Variants in GPC5 observed in about 807,000 individuals in gnomAD.
The protein encoded by GPC5 is glypican-5.
A neutral mutation model predicts 53.9 loss-of-function variants in GPC5; 47 were observed. That is an observed-to-expected ratio of 0.87 (90% CI 0.69 to 1.11). GPC5 has a LOEUF of 1.11. GPC5 is among the 50% of genes most tolerant of loss of function. The pLI, the probability that GPC5 is intolerant of heterozygous loss-of-function variation, is 0.00. For synonymous variants in GPC5, 286 were observed against 263.3 expected (o/e 1.09, Z -0.84); for missense variants, 748 against 713.1 (o/e 1.05, Z -0.56).
intron 5 of GPC5, among the ~76,000 whole-genome samples, chr13:91,800,285 A>C (rs1434886024): frequency 2.0e-5 from 3 of 152,144 alleles, no homozygotes; most frequent in Non-Finnish European, 2.9e-5. Flanking sequence ...AAAGTTAAAA[A>C]TATTTGCTTT....
intron 5 of GPC5, among the ~76,000 whole-genome samples, chr13:91,817,364 T>C (rs1218476518): frequency 3.9e-5 from 6 of 152,216 alleles, no homozygotes; most frequent in East Asian, 3.8e-4. Flanking sequence ...TTTGGAATCC[T>C]TCCTTATAAC....
chr13:91,990,435 G>T (rs965000417), intron 6 of GPC5, among the ~76,000 whole-genome samples: 1 of 152,048 alleles, frequency 6.6e-6, no homozygotes, highest in Non-Finnish European at 1.5e-5. Context: ...TGTAAAAATT[G>T]CAGCGTGGTG....
At chr13:91,871,017 C>T (rs1405659381) in intron 5 of GPC5, among the ~76,000 whole-genome samples, 1 of 152,156 alleles carries the variant, frequency 6.6e-6, no homozygotes, top group Non-Finnish European at 1.5e-5. Flanking sequence ...TCACATACAC[C>T]TGATATACAC....
chr13:92,181,752 TA>T (rs966492940), intron 7 of GPC5, among the ~76,000 whole-genome samples: 2 of 152,162 alleles, frequency 1.3e-5, no homozygotes, highest in Non-Finnish European at 2.9e-5. Context: ...ATTGTTTCTC[TA>T]AAATGGGAAA....
chr13:91,570,638 T>C lies in GPC5; in HGVS notation c.325+121716T>C, dbSNP rs775980432. Among the ~76,000 whole-genome samples the C allele has an allele frequency of 2.8e-4, 42 of 152,210 alleles. 1 individual carries two copies. Among genetic ancestry groups the C allele is most frequent in the Non-Finnish European group, 4.4e-5 (3 of 68,036 alleles). ...GCTTTCGAGCAATTACCCAAATTCC[T>C]TTAGTTAGTAAATGTTAGAGCTTGA... On this transcript the variant is annotated intron_variant, in intron 2 of 7. Coordinates refer to ENST00000377067, the MANE Select transcript of GPC5 (RefSeq NM_004466.6).
chr13:92,174,566 C>A (rs1028480106), intron 7 of GPC5, among the ~76,000 whole-genome samples: 5 of 149,760 alleles, frequency 3.3e-5, no homozygotes, highest in African/African-American at 9.8e-5. Flanking sequence ...ACAACAACAA[C>A]AACAAAAAAA....
At chr13:91,963,966 A>G (rs968226887) in intron 6 of GPC5, among the ~76,000 whole-genome samples, 1 of 152,208 alleles carries the variant, frequency 6.6e-6, no homozygotes, top group Admixed American at 6.5e-5. Flanking sequence ...GGGATTCCTC[A>G]GGGATCTAAA....
At chr13:92,800,318 C>A (rs547232671) in intron 7 of GPC5, among the ~76,000 whole-genome samples, 4 of 151,824 alleles carry the variant, frequency 2.6e-5, no homozygotes, top group African/African-American at 9.7e-5. Context: ...CTCCCCTTCT[C>A]GAGACTATGA....
At chr13:92,614,659 G>A (rs1165437155) in intron 7 of GPC5, among the ~76,000 whole-genome samples, 1 of 152,050 alleles carries the variant, frequency 6.6e-6, no homozygotes, top group Non-Finnish European at 1.5e-5. Flanking sequence ...GCAAATTAGG[G>A]GCCTCTGGAT....
chr13:91,532,114 G>A (rs975208543), intron 2 of GPC5, among the ~76,000 whole-genome samples: 2 of 152,114 alleles, frequency 1.3e-5, no homozygotes, highest in African/African-American at 2.4e-5. Context: ...TGAAAAAAAG[G>A]CAGATTAAGG....
intron 7 of GPC5, among the ~76,000 whole-genome samples, chr13:92,803,530 T>A (rs1876982518): frequency 6.6e-6 from 1 of 151,940 alleles, no homozygotes; most frequent in South Asian, 2.1e-4. Context: ...ACTGGAGAAT[T>A]ACTATAGAAA....
At chr13:92,585,655 G>T (rs1043535436) in intron 7 of GPC5, among the ~76,000 whole-genome samples, 1 of 152,130 alleles carries the variant, frequency 6.6e-6, no homozygotes, top group Non-Finnish European at 1.5e-5. Context: ...AGATTTGGGA[G>T]GGGCCAGGAC....
At chr13:92,445,176 T>G (rs9523673) in intron 7 of GPC5, among the ~76,000 whole-genome samples, 91,428 of 148,662 alleles carry the variant, frequency 0.62, 28,227 homozygotes, top group East Asian at 0.73. Context: ...TCCTTTCTCC[T>G]TTTCTTTCCT....
chr13:92,156,490 G>C (rs1376064267), intron 7 of GPC5, among the ~76,000 whole-genome samples: 1 of 152,124 alleles, frequency 6.6e-6, no homozygotes, highest in Non-Finnish European at 1.5e-5. Context: ...TGCTGATAGT[G>C]TGTAGATTGA....
intron 2 of GPC5, among the ~76,000 whole-genome samples, chr13:91,643,965 AATTCAT>A (rs2034496277): frequency 3.5e-5 from 1 of 28,414 alleles, no homozygotes; most frequent in Non-Finnish European, 2.1e-4. Flanking sequence ...TATGAATTAA[AATTCAT>A]ATGTTAAGAC....
chr13:92,476,853 A>T (rs1262030373), intron 7 of GPC5, among the ~76,000 whole-genome samples: 4 of 132,858 alleles, frequency 3.0e-5, no homozygotes, highest in Admixed American at 8.6e-5. Context: ...ATGAGAACAC[A>T]TGGACACAGG....
intron 6 of GPC5, among the ~76,000 whole-genome samples, chr13:91,993,096 T>C (rs533379739): frequency 6.6e-6 from 1 of 152,346 alleles, no homozygotes; most frequent in South Asian, 2.1e-4. Flanking sequence ...GCACTCTCTC[T>C]GAGACAGACA....
At chr13:92,724,016 A>G (rs1416696607) in intron 7 of GPC5, among the ~76,000 whole-genome samples, 1 of 151,604 alleles carries the variant, frequency 6.6e-6, no homozygotes, top group East Asian at 1.9e-4. Flanking sequence ...AACTCCAAAT[A>G]TGATCATTTT....
intron 2 of GPC5, among the ~76,000 whole-genome samples, chr13:91,452,009 G>T (rs914847694): frequency 3.3e-5 from 5 of 151,730 alleles, no homozygotes; most frequent in African/African-American, 7.3e-5. Context: ...ATGAGACAGG[G>T]TCTCACTCTG....
Sources: gnomAD v4.1 joint callset for allele counts (sites outside exome capture counted in the v4.1 genomes callset) on GRCh38, gnomAD v4.1.1 for gene constraint, MANE v1.5 for transcripts, NCBI Gene and HGNC (gene_info 2026-07-23, HGNC 2026-07-21) for gene names.